CLNK: variants seen among roughly 807,000 people sequenced by gnomAD.
CLNK encodes cytokine-dependent hematopoietic cell linker.
In CLNK, 74 loss-of-function variants were observed where a neutral mutation model predicts 68.6. The ratio of observed to expected loss-of-function variants is 1.08; its 90% CI spans 0.89 to 1.31. The LOEUF is 1.31. Among genes scored for constraint, CLNK ranks in the 50% most tolerant of loss-of-function variants. The probability of loss-of-function intolerance (pLI) is 0.00; values close to 1 mark genes in which losing one functional copy is unlikely to be tolerated. For missense variants in CLNK, 553 were observed against 515.3 expected, an observed-to-expected ratio of 1.07 and a Z score of -0.71; for synonymous variants, 198 against 172.2, an observed-to-expected ratio of 1.15 and a Z score of -1.17.
At chr4:10,695,508 T>C in the CLNK span, among the ~76,000 whole-genome samples, 1 of 152,314 alleles carries the variant, frequency 6.6e-6, no homozygotes, top group East Asian at 1.9e-4. Context: ...TGCTTCTCCT[T>C]TTCTCTCAAG....
intron 3 of CLNK, among the ~76,000 whole-genome samples, chr4:10,594,443 C>T (rs1218974964): frequency 6.6e-6 from 1 of 152,238 alleles, no homozygotes; most frequent in East Asian, 1.9e-4. Flanking sequence ...CAAACATTGG[C>T]ACCCACAGGG....
At chr4:10,561,236 T>C (rs1177460654) in intron 7 of CLNK, among the ~76,000 whole-genome samples, 1 of 152,100 alleles carries the variant, frequency 6.6e-6, no homozygotes, top group Non-Finnish European at 1.5e-5. Context: ...GGCCAAACTC[T>C]TGTTGAATTT....
At chr4:10,661,224 A>T (rs1307063985) in intron 2 of CLNK, among the ~76,000 whole-genome samples, 1 of 152,220 alleles carries the variant, frequency 6.6e-6, no homozygotes, top group East Asian at 1.9e-4. Flanking sequence ...TCATTCATAC[A>T]CACGAGAGAA....
At chr4:10,503,542 TTATA>T (rs1404476684) in intron 17 of CLNK, among the ~76,000 whole-genome samples, 1 of 148,500 alleles carries the variant, frequency 6.7e-6, no homozygotes, top group South Asian at 2.1e-4. Flanking sequence ...ATATAATTCT[TTATA>T]TAGATTTTAT....
Position 10,489,462 on chromosome 4 carries a change from G to A in CLNK, c.*1005C>T, listed in dbSNP as rs1652368623. On this transcript the variant is annotated 3_prime_UTR_variant, in exon 19 of 19. Transcript: ENST00000226951. ...ATAATCTGAGCTCTGTACTATGAAT[G>A]TGTTAATTCCATTTGACTTAAAGCT... 1 of 152,086 alleles carries A rather than the reference G, an allele frequency of 6.6e-6. No individual in the cohort carries two copies. The highest frequency in any genetic ancestry group is 1.5e-5 in the Non-Finnish European group (1 of 68,032). 9.4% of individuals were successfully genotyped at this position (152,086 alleles called of 1,614,324 possible).
At chr4:10,542,362 T>C in intron 8 of CLNK, 82 bp from the exon 9 acceptor site, 1 of 906,872 alleles carries the variant, frequency 1.1e-6, no homozygotes, top group Non-Finnish European at 1.7e-6. Context: ...ATGAAAATCA[T>C]TTTTATTTGT....
At chr4:10,668,771 G>A (rs1028770028) in intron 1 of CLNK, among the ~76,000 whole-genome samples, 1 of 152,120 alleles carries the variant, frequency 6.6e-6, no homozygotes, top group African/African-American at 2.4e-5. Flanking sequence ...TCAGTTGTGG[G>A]ACCTGCAGGG....
the CLNK span, among the ~76,000 whole-genome samples, chr4:10,707,684 G>A: frequency 9.9e-5 from 15 of 152,152 alleles, no homozygotes; most frequent in Non-Finnish European, 1.6e-4. Flanking sequence ...TATGGACTCA[G>A]AATAAACCTC....
At chr4:10,704,236 A>G in the CLNK span, among the ~76,000 whole-genome samples, 1 of 152,190 alleles carries the variant, frequency 6.6e-6, no homozygotes. Context: ...CATCTTTCTC[A>G]TGTCAAATAG....
At chr4:10,520,965 T>C (rs1238606388) in intron 14 of CLNK, 134 bp from the exon 15 acceptor site, 5 of 671,722 alleles carry the variant, frequency 7.4e-6, no homozygotes, top group Non-Finnish European at 1.3e-5. Context: ...CTGGATATGC[T>C]AGAAGAATCA....
At chr4:10,496,901 C>A (rs918871723) in intron 18 of CLNK, among the ~76,000 whole-genome samples, 1 of 152,198 alleles carries the variant, frequency 6.6e-6, no homozygotes, top group African/African-American at 2.4e-5. Flanking sequence ...TGCTCTTGAG[C>A]CCCTATGCCG....
intron 2 of CLNK, among the ~76,000 whole-genome samples, chr4:10,631,226 G>A (rs1722878795): frequency 6.6e-6 from 1 of 152,210 alleles, no homozygotes. Flanking sequence ...GCTGCCCAGA[G>A]CATATTGATT....
At chr4:10,525,789 C>T (rs1718290605) in intron 14 of CLNK, 52 bp downstream of exon 14, 3 of 1,066,170 alleles carry the variant, frequency 2.8e-6, no homozygotes, top group Non-Finnish European at 2.8e-6. Flanking sequence ...TGAGACAGCA[C>T]ATGGCCTGAC....
intron 18 of CLNK, among the ~76,000 whole-genome samples, chr4:10,499,989 T>C (rs1470727508): frequency 1.3e-5 from 2 of 152,182 alleles, no homozygotes; most frequent in Non-Finnish European, 2.9e-5. Context: ...GGTTAGGACT[T>C]CAACGTGTGG....
At chr4:10,703,163 T>C in the CLNK span, among the ~76,000 whole-genome samples, 1 of 152,120 alleles carries the variant, frequency 6.6e-6, no homozygotes, top group Non-Finnish European at 1.5e-5. Flanking sequence ...GTGATAACAG[T>C]CTAAATGTCT....
At chr4:10,667,763 A>C (rs1359746566) in intron 2 of CLNK, 96 bp downstream of exon 2, 1 of 1,220,524 alleles carries the variant, frequency 8.2e-7, no homozygotes, top group Non-Finnish European at 1.1e-6. Context: ...ATGGGCGGCC[A>C]CATTGGCATC....
In CLNK at chr4:10,560,264, C is replaced by A. The variant is rs567022246; in HGVS notation, c.400-1812G>T. ...TGTGGGCACTGGCTCACCTTTCAACCCCTATTGCTAAGCACAGAGCTTGGT... is the reference window on the plus strand; with the variant it reads ...TGTGGGCACTGGCTCACCTTTCAACACCTATTGCTAAGCACAGAGCTTGGT... On this transcript the variant is annotated intron_variant, in intron 7 of 18. Coordinates refer to ENST00000226951, the MANE Select transcript of CLNK (RefSeq NM_052964.4). Among the ~76,000 whole-genome samples the A allele has an allele frequency of 2.6e-5, 4 of 152,320 alleles. No homozygotes were observed. In the South Asian group the frequency reaches 8.3e-4, roughly 32 times the overall value.
intron 3 of CLNK, among the ~76,000 whole-genome samples, chr4:10,595,081 C>CA (rs1248889717): frequency 2.0e-5 from 3 of 151,410 alleles, no homozygotes; most frequent in Admixed American, 1.3e-4. Context: ...AACCCCGTCT[C>CA]AAAAAAAACC....
At chr4:10,718,484 C>T in the CLNK span, among the ~76,000 whole-genome samples, 1 of 133,280 alleles carries the variant, frequency 7.5e-6, no homozygotes, top group East Asian at 2.0e-4. Context: ...AAAAGTGGCA[C>T]AATATTTTTT....
Sources: gnomAD v4.1 joint callset for allele counts (sites outside exome capture counted in the v4.1 genomes callset) on GRCh38, gnomAD v4.1.1 for gene constraint, MANE v1.5 for transcripts, NCBI Gene and HGNC (gene_info 2026-07-23, HGNC 2026-07-21) for gene names.